PPP1CB: variants seen among roughly 807,000 people sequenced by gnomAD.
PPP1CB encodes serine/threonine-protein phosphatase PP1-beta catalytic subunit.
In PPP1CB, 2 loss-of-function variants were observed where a neutral mutation model predicts 43.7. The observed-to-expected ratio is 0.05, with a 90% CI of 0.02 to 0.14. The LOEUF is 0.14. Ranked by LOEUF, PPP1CB falls within the 10% of genes least tolerant of loss-of-function variation. PPP1CB has a pLI of 1.00. For synonymous variants in PPP1CB, 136 were observed against 135.6 expected, an observed-to-expected ratio of 1.00 and a Z score of -0.02; for missense variants, 84 against 398.0, an observed-to-expected ratio of 0.21 and a Z score of 6.71.
intron 1 of PPP1CB, among the ~76,000 whole-genome samples, chr2:28,773,151 G>A (rs1284460009): frequency 1.3e-5 from 2 of 152,212 alleles, no homozygotes; most frequent in Non-Finnish European, 2.9e-5. Flanking sequence ...TTTAAAATTC[G>A]TTGAGTTACA....
At chr2:28,755,684 A>G (rs1268409290) in intron 1 of PPP1CB, among the ~76,000 whole-genome samples, 1 of 152,206 alleles carries the variant, frequency 6.6e-6, no homozygotes, top group Non-Finnish European at 1.5e-5. Flanking sequence ...GGGGAACTTC[A>G]TTCAAACTAT....
chr2:28,795,741 G>A (rs558494840), intron 7 of PPP1CB, among the ~76,000 whole-genome samples: 7 of 152,050 alleles, frequency 4.6e-5, no homozygotes, highest in Non-Finnish European at 1.0e-4. Flanking sequence ...CATTCTATAG[G>A]TTGTCTGTTT....
chr2:28,769,024 C>T (rs939432248), intron 1 of PPP1CB, among the ~76,000 whole-genome samples: 2 of 152,018 alleles, frequency 1.3e-5, no homozygotes, highest in African/African-American at 4.8e-5. Context: ...TGATTCCAAG[C>T]AGGGTAAATA....
intron 1 of PPP1CB, among the ~76,000 whole-genome samples, chr2:28,769,785 C>T (rs897109539): frequency 5.9e-5 from 9 of 151,432 alleles, no homozygotes; most frequent in African/African-American, 2.2e-4. Flanking sequence ...TCTAGAGCAA[C>T]CTCTAAATGA....
intron 1 of PPP1CB, 117 bp from the exon 2 acceptor site, chr2:28,776,734 A>T: frequency 2.4e-6 from 2 of 816,790 alleles, no homozygotes; most frequent in Non-Finnish European, 3.8e-6. Flanking sequence ...GGGACCAAAT[A>T]GGGTAATTTG....
chr2:28,755,208 C>T (rs6547872), intron 1 of PPP1CB, among the ~76,000 whole-genome samples: 93,796 of 151,904 alleles, frequency 0.62, 29,879 homozygotes, highest in South Asian at 0.73. Context: ...CACCACGCCC[C>T]GGCTAATTTT....
chr2:28,765,640 G>A (rs1666763514), intron 1 of PPP1CB, among the ~76,000 whole-genome samples: 1 of 152,014 alleles, frequency 6.6e-6, no homozygotes, highest in Admixed American at 6.5e-5. Context: ...TTGCTGACTG[G>A]GTATGGTGGC....
At position 28,798,664 on chromosome 2, in the gene PPP1CB, G is replaced by T. The variant is rs181446491; in HGVS notation, c.880-535G>T. 6.5e-3 allele frequency among the ~76,000 whole-genome samples: 991 copies of T among 152,148 alleles called. 8 individuals are homozygous for T. Among genetic ancestry groups the T allele is most frequent in the African/African-American group, 0.023 (942 of 41,558 alleles). ...TATAGAGACACATAGTAGATTAGTAGTTGGTTAGAGTTAGAGGATGTGGAG... is the reference window on the plus strand; with the variant it reads ...TATAGAGACACATAGTAGATTAGTATTTGGTTAGAGTTAGAGGATGTGGAG... On this transcript the variant is annotated intron_variant, in intron 7 of 7. Transcript: ENST00000395366.
At chr2:28,757,146 G>A (rs960534999) in intron 1 of PPP1CB, among the ~76,000 whole-genome samples, 2 of 151,984 alleles carry the variant, frequency 1.3e-5, no homozygotes, top group Non-Finnish European at 2.9e-5. Context: ...ACAATATGTT[G>A]TCTTTTGTGA....
intron 1 of PPP1CB, among the ~76,000 whole-genome samples, chr2:28,770,392 A>AGGGGGG (rs1572452462): frequency 7.7e-5 from 4 of 52,240 alleles, no homozygotes; most frequent in South Asian, 6.9e-4. Flanking sequence ...GGGGGGGGGG[A>AGGGGGG]GGGGGGTGTG....
chr2:28,796,522 TG>T (rs1355444833), intron 7 of PPP1CB, among the ~76,000 whole-genome samples: 1 of 151,988 alleles, frequency 6.6e-6, no homozygotes, highest in African/African-American at 2.4e-5. Flanking sequence ...CTGTATTCCT[TG>T]ATATTCTTTT....
At chr2:28,759,846 C>T (rs937104658) in intron 1 of PPP1CB, among the ~76,000 whole-genome samples, 2 of 152,068 alleles carry the variant, frequency 1.3e-5, no homozygotes, top group Admixed American at 6.5e-5. Context: ...ATTGATCTCC[C>T]GACCTCAGGT....
intron 1 of PPP1CB, among the ~76,000 whole-genome samples, chr2:28,774,466 C>G (rs950590617): frequency 2.0e-5 from 3 of 152,164 alleles, no homozygotes; most frequent in African/African-American, 4.8e-5. Flanking sequence ...GCTCTTGTCT[C>G]CCAGGCTGGA....
intron 6 of PPP1CB, among the ~76,000 whole-genome samples, chr2:28,789,844 G>A (rs892609991): frequency 3.3e-5 from 5 of 151,972 alleles, no homozygotes; most frequent in African/African-American, 1.2e-4. Context: ...AGTGATCTGC[G>A]CCTCAGCCTC....
In PPP1CB at chr2:28,753,699, A is replaced by G. The variant is rs529217298; in HGVS notation, c.52+1523A>G. On this transcript the variant is annotated intron_variant, in intron 1 of 7. Coordinates refer to ENST00000395366, the MANE Select transcript of PPP1CB (RefSeq NM_002709.3). ...TTAAAAATGTGTATGTCTTGTTTAC[A>G]TTTGGGAAGTAGAGGCCTACTCCTT... 2.0e-3 allele frequency among the ~76,000 whole-genome samples: 302 copies of G among 152,168 alleles called. 1 individual carries two copies. The highest frequency in any genetic ancestry group is 0.014 in the Middle Eastern group (4 of 294).
At chr2:28,768,322 C>G (rs1388634170) in intron 1 of PPP1CB, among the ~76,000 whole-genome samples, 2 of 152,072 alleles carry the variant, frequency 1.3e-5, no homozygotes, top group Non-Finnish European at 1.5e-5. Context: ...AAGTTTGGGG[C>G]CACTAAAGCA....
At chr2:28,778,539 A>G (rs983153178) in intron 2 of PPP1CB, 5 of 492,488 alleles carry the variant, frequency 1.0e-5, no homozygotes, top group African/African-American at 5.8e-5. Context: ...GTTCTTTGCT[A>G]CGTGGGATGC....
chr2:28,786,314 A>G (rs111502507), intron 5 of PPP1CB, among the ~76,000 whole-genome samples: 7,992 of 152,024 alleles, frequency 0.053, 369 homozygotes, highest in East Asian at 0.16. Flanking sequence ...GGGTTTCACC[A>G]TGTTGGCCAG....
chr2:28,786,144 A>AT, intron 5 of PPP1CB, among the ~76,000 whole-genome samples: 1 of 152,076 alleles, frequency 6.6e-6, no homozygotes, highest in South Asian at 2.1e-4. Flanking sequence ...ACAGAATTTC[A>AT]CTCTTGTCGC....
Sources: gnomAD v4.1 joint callset for allele counts (sites outside exome capture counted in the v4.1 genomes callset) on GRCh38, gnomAD v4.1.1 for gene constraint, MANE v1.5 for transcripts, NCBI Gene and HGNC (gene_info 2026-07-23, HGNC 2026-07-21) for gene names.